Variants in ROBO1 observed in about 807,000 individuals in gnomAD.
The protein encoded by ROBO1 is roundabout guidance receptor 1, also known as roundabout homolog 1.
In ROBO1, 149 loss-of-function variants were observed where a neutral mutation model predicts 195.9. The observed-to-expected ratio is 0.76, with a 90% confidence interval of 0.67 to 0.87. The LOEUF is 0.87. Ranked by LOEUF, ROBO1 falls within the 40% of genes least tolerant of loss-of-function variation. The pLI, the probability that ROBO1 is intolerant of heterozygous loss-of-function variation, is 0.00. For missense variants in ROBO1, 1,933 were observed against 2,068.3 expected (o/e 0.93, Z 1.27); for synonymous variants, 816 against 733.2 (o/e 1.11, Z -1.82).
chr3:78,654,872 C>T (rs1204231399), intron 18 of ROBO1, among the ~76,000 whole-genome samples: 3 of 152,186 alleles, frequency 2.0e-5, no homozygotes, highest in Non-Finnish European at 4.4e-5. Flanking sequence ...TAAACAACAA[C>T]AATATATAGA....
chr3:79,379,043 A>G (rs931679535), intron 2 of ROBO1, among the ~76,000 whole-genome samples: 1 of 152,240 alleles, frequency 6.6e-6, no homozygotes, highest in African/African-American at 2.4e-5. Context: ...CCGAATTGAT[A>G]TAATAGATTC....
intron 2 of ROBO1, among the ~76,000 whole-genome samples, chr3:79,492,427 G>GAAAAAA (rs57495210): frequency 9.1e-6 from 1 of 109,544 alleles, no homozygotes; most frequent in Non-Finnish European, 1.8e-5. Flanking sequence ...CTCTGTTTCA[G>GAAAAAA]AAAAAAAAAA....
rs550969730 is a variant in ROBO1 at position 79,420,323 on chromosome 3, G to T, written c.88+169501C>A. Among the ~76,000 whole-genome samples, 3 of 152,112 alleles carry T rather than the reference G, an allele frequency of 2.0e-5. 1 individual carries two copies. In the South Asian group the frequency reaches 6.2e-4, roughly 32 times the overall value. ...TCTGGTTAAATGAGAGTGAACTAGA[G>T]AATCTTGCATCCATGTTAGTAAAAC... On this transcript the variant is annotated intron_variant, in intron 2 of 30. Transcript: ENST00000464233.
intron 3 of ROBO1, among the ~76,000 whole-genome samples, chr3:79,056,958 G>A (rs1419245367): frequency 6.6e-6 from 1 of 152,070 alleles, no homozygotes; most frequent in Non-Finnish European, 1.5e-5. Flanking sequence ...GAATTTAATT[G>A]TAGTTCCTTG....
chr3:79,543,412 A>G (rs931737958), intron 2 of ROBO1, among the ~76,000 whole-genome samples: 3 of 152,036 alleles, frequency 2.0e-5, no homozygotes, highest in African/African-American at 2.4e-5. Flanking sequence ...TGAAATTACT[A>G]TGGGGTACCT....
intron 2 of ROBO1, among the ~76,000 whole-genome samples, chr3:79,210,366 A>G (rs2081947436): frequency 1.3e-5 from 2 of 152,186 alleles, no homozygotes; most frequent in South Asian, 4.1e-4. Flanking sequence ...ATAAAGCCAA[A>G]TATTTACAGC....
chr3:79,103,679 TAA>T (rs2079721158), intron 3 of ROBO1, among the ~76,000 whole-genome samples: 2 of 151,732 alleles, frequency 1.3e-5, no homozygotes, highest in Non-Finnish European at 2.9e-5. Flanking sequence ...TTATCACATC[TAA>T]AGTCTCTTTA....
At chr3:79,444,681 A>T (rs61474853) in intron 2 of ROBO1, among the ~76,000 whole-genome samples, 2,988 of 151,974 alleles carry the variant, frequency 0.02, 85 homozygotes, top group African/African-American at 0.067. Flanking sequence ...CTTGGTCCAA[A>T]CTTTATTTTT....
At chr3:79,317,904 G>C (rs993262999) in intron 2 of ROBO1, among the ~76,000 whole-genome samples, 1 of 151,658 alleles carries the variant, frequency 6.6e-6, no homozygotes, top group Non-Finnish European at 1.5e-5. Context: ...ATACACACAC[G>C]CATAAACAAC....
At chr3:79,324,080 G>A (rs1017873348) in intron 2 of ROBO1, among the ~76,000 whole-genome samples, 2 of 152,070 alleles carry the variant, frequency 1.3e-5, no homozygotes, top group Non-Finnish European at 2.9e-5. Context: ...AACCCAGTGG[G>A]TAGTTTAATG....
chr3:79,315,575 A>G (rs1290406488), intron 2 of ROBO1, among the ~76,000 whole-genome samples: 1 of 152,088 alleles, frequency 6.6e-6, no homozygotes, highest in Non-Finnish European at 1.5e-5. Flanking sequence ...CTTAAGGGTG[A>G]CTCCTCGATA....
chr3:79,199,198 A>T lies in ROBO1; in HGVS notation c.89-73659T>A, dbSNP rs113896300. Among the ~76,000 whole-genome samples the T allele has an allele frequency of 8.8e-4, 134 of 151,946 alleles. 1 individual carries two copies. Among genetic ancestry groups the T allele is most frequent in the African/African-American group, 3.1e-3 (129 of 41,512 alleles). On this transcript the variant is annotated intron_variant, in intron 2 of 30. Transcript: ENST00000464233. Reference sequence around the variant, plus strand: ...GTAGTCCTTGAATGGCTTATAAAAAATCCATGCAAAATTAAAGTTGTTTTG... The same window carrying T: ...GTAGTCCTTGAATGGCTTATAAAAATTCCATGCAAAATTAAAGTTGTTTTG...
chr3:78,966,315 G>A (rs188691946), intron 3 of ROBO1, among the ~76,000 whole-genome samples: 40 of 152,308 alleles, frequency 2.6e-4, no homozygotes, highest in Admixed American at 6.5e-5. Flanking sequence ...GAAAATAAAC[G>A]CAATGGGGGA....
intron 1 of ROBO1, among the ~76,000 whole-genome samples, chr3:79,663,309 T>C (rs1256919541): frequency 6.6e-6 from 1 of 151,976 alleles, no homozygotes; most frequent in Admixed American, 6.6e-5. Context: ...GAAAAAAAAC[T>C]CAAAGTTATT....
intron 3 of ROBO1, among the ~76,000 whole-genome samples, chr3:79,062,995 A>C (rs2078946900): frequency 6.6e-6 from 1 of 151,976 alleles, no homozygotes; most frequent in Admixed American, 6.6e-5. Flanking sequence ...AAAGAAAAGA[A>C]GAAGAAAAAA....
intron 2 of ROBO1, among the ~76,000 whole-genome samples, chr3:79,399,767 G>A (rs1425124605): frequency 6.6e-6 from 1 of 152,156 alleles, no homozygotes; most frequent in Non-Finnish European, 1.5e-5. Context: ...ATTGCGTTGA[G>A]CGTAAATGAA....
chr3:78,905,217 T>G (rs2037829428), intron 4 of ROBO1, among the ~76,000 whole-genome samples: 1 of 152,156 alleles, frequency 6.6e-6, no homozygotes, highest in African/African-American at 2.4e-5. Context: ...TCTAAAAGGT[T>G]ATTATTATTT....
intron 4 of ROBO1, among the ~76,000 whole-genome samples, chr3:78,894,524 T>C (rs1374355620): frequency 1.3e-5 from 2 of 152,170 alleles, no homozygotes; most frequent in African/African-American, 4.8e-5. Flanking sequence ...AAATGTGTTT[T>C]CTAGCACAGC....
At chr3:79,654,595 G>A (rs1284882685) in intron 1 of ROBO1, among the ~76,000 whole-genome samples, 1 of 151,940 alleles carries the variant, frequency 6.6e-6, no homozygotes, top group Non-Finnish European at 1.5e-5. Context: ...TAGTTGTTCT[G>A]TCTATTCATC....
Sources: allele counts gnomAD v4.1 joint callset (sites outside exome capture counted in the v4.1 genomes callset), GRCh38; gene constraint gnomAD v4.1.1; transcripts MANE v1.5; gene names NCBI Gene and HGNC (gene_info 2026-07-23, HGNC 2026-07-21).